ARFRP1: variants seen among roughly 807,000 people sequenced by gnomAD.
ARFRP1 encodes the protein ADP-ribosylation factor-related protein 1.
ARFRP1 carries 19 observed loss-of-function variants against 30.3 expected under a neutral mutation model. The ratio of observed to expected loss-of-function variants is 0.63; its 90% CI spans 0.44 to 0.92. The LOEUF is 0.92. Among genes scored for constraint, ARFRP1 ranks in the 40% least tolerant of loss-of-function variants. The probability of loss-of-function intolerance (pLI) is 0.00; values close to 1 mark genes in which losing one functional copy is unlikely to be tolerated. For synonymous variants in ARFRP1, 133 were observed against 114.2 expected (o/e 1.16, Z -1.05); for missense variants, 245 against 267.5 (o/e 0.92, Z 0.59).
chr20:63,701,333 G>C (rs754489625), intron 6 of ARFRP1: 2 of 534,808 alleles, frequency 3.7e-6, no homozygotes, highest in South Asian at 2.8e-5. Context: ...GCCACTCCAA[G>C]AGAACAGCTA....
At position 63,700,487 on chromosome 20, in the gene ARFRP1, C is replaced by G; in HGVS notation, c.562G>C (p.Val188Leu). The G allele has an allele frequency of 1.2e-6, 2 of 1,610,458 alleles. No homozygotes were observed. Among genetic ancestry groups the G allele is most frequent in the Non-Finnish European group, 1.7e-6 (2 of 1,179,864 alleles). ...CGCGGCGGCCGGTGCACATTCCGCA[C>G]GACACACTTCACCATCCACTCGATG... is the stretch of plus-strand genomic sequence containing the variant. ...EGIEWMVKCV[V>L]RNVHRPPRQR... The change falls in exon 8 of 8, where the codon GTG (valine) becomes CTG (leucine). Residue 188 changes from valine to leucine, a missense_variant. Transcript: ENST00000622789.
chr20:63,706,007 T>TCTC (rs2091439451), intron 4 of ARFRP1: 1 of 353,544 alleles, frequency 2.8e-6, no homozygotes, highest in Non-Finnish European at 5.5e-6. Flanking sequence ...CACGCCCTTC[T>TCTC]CTCACTGGTC....
chr20:63,700,801 G>GAA, intron 6 of ARFRP1, 99 bp from the exon 7 acceptor site: 1 of 1,464,564 alleles, frequency 6.8e-7, no homozygotes, highest in South Asian at 1.3e-5. Flanking sequence ...TCACCCCAGG[G>GAA]AAACAGCCAG....
chr20:63,706,939 A>G lies in ARFRP1; in HGVS notation c.93+60T>C, dbSNP rs910555874. ...TAGTGAACGTGCAGCTGACAGCACA[A>G]AACCGAAGGGGGCGCCGCCAGGCCG... On this transcript the variant is annotated intron_variant, in intron 2 of 7. Coordinates refer to ENST00000622789, the MANE Select transcript of ARFRP1 (RefSeq NM_001267547.3). 10 of 1,596,940 alleles carry G rather than the reference A, an allele frequency of 6.3e-6. No homozygotes were observed. The African/African-American group carries it at 9.4e-5, about 15-fold the overall frequency.
In ARFRP1 at chr20:63,700,292, T is replaced by G; in HGVS notation, c.*151A>C. The G allele has an allele frequency of 2.5e-6, 3 of 1,179,836 alleles. No homozygotes were observed. Among genetic ancestry groups the G allele is most frequent in the African/African-American group, 1.5e-5 (1 of 65,142 alleles). The allele number at this position is 1,179,836 out of a possible 1,614,324, so 73.1% of individuals were successfully genotyped here. On this transcript the variant is annotated 3_prime_UTR_variant, in exon 8 of 8. Coordinates refer to ENST00000622789, the MANE Select transcript of ARFRP1 (RefSeq NM_001267547.3). The stretch of plus-strand genomic sequence containing the variant: ...CCGGATGCCTACGCTTTTCCAGACA[T>G]AGAGGAAAGTTTGTCTTCGAGAAAA...
At chr20:63,702,238 T>G (rs1024869520) in intron 4 of ARFRP1, 21 bp from the exon 5 acceptor site, 3 of 1,605,904 alleles carry the variant, frequency 1.9e-6, no homozygotes, top group African/African-American at 2.7e-5. Flanking sequence ...GCACCAGGAG[T>G]TGGGGCTCAG....
intron 5 of ARFRP1, 98 bp from the exon 6 acceptor site, chr20:63,701,998 G>GCCACCCCCCCCCCCCCC: frequency 5.1e-6 from 3 of 583,916 alleles, no homozygotes; most frequent in South Asian, 2.1e-5. Context: ...CACTCCCTCT[G>GCCACCCCCCCCCCCCCC]CCCCCCCCCC....
chr20:63,700,464 C>T lies in ARFRP1; in HGVS notation c.585G>A (p.Pro195=), dbSNP rs569223588. Residue 195 remains proline (P), a synonymous_variant, in exon 8 of 8, where the codon CCG becomes CCA. Coordinates refer to ENST00000622789, the MANE Select transcript of ARFRP1 (RefSeq NM_001267547.3). ...KCVVRNVHRP[P]RQRDIT is the part of the protein sequence containing the mutation. ...GCGCCTACGTGATGTCCCTCTGCCG[C>T]GGCGGCCGGTGCACATTCCGCACGA... 7.0e-5 allele frequency: 113 copies of T among 1,609,510 alleles called. No homozygotes were observed. Among genetic ancestry groups the T allele is most frequent in the Middle Eastern group, 4.4e-4 (2 of 4,514 alleles).
At chr20:63,706,302 A>G (rs1568768789) in intron 4 of ARFRP1, 55 bp downstream of exon 4, 13 of 1,529,484 alleles carry the variant, frequency 8.5e-6, no homozygotes, top group Non-Finnish European at 1.2e-5. Context: ...GGCACTCTGG[A>G]AAGAAGTGGC....
chr20:63,705,735 G>A (rs566068927), intron 4 of ARFRP1: 1 of 533,162 alleles, frequency 1.9e-6, no homozygotes, highest in East Asian at 5.4e-5. Context: ...CCGAAAGGAG[G>A]CACTCACTTT....
intron 4 of ARFRP1, chr20:63,704,649 T>C (rs1443374461): frequency 1.3e-5 from 2 of 152,254 alleles, no homozygotes; most frequent in Non-Finnish European, 2.9e-5. Context: ...AGTTTCGCCT[T>C]AAGAGAGGCC....
chr20:63,707,642 G>A (rs1316319137), intron 1 of ARFRP1: 1 of 152,408 alleles, frequency 6.6e-6, no homozygotes, highest in Non-Finnish European at 1.5e-5. Context: ...GCAGCGGCGC[G>A]GCTGCTCCTG....
Position 63,706,758 on chromosome 20 carries a change from C to T in ARFRP1, c.94-20G>A, listed in dbSNP as rs756156310. 1.3e-6 allele frequency: 2 copies of T among 1,572,300 alleles called. No individual in the cohort carries two copies. Among genetic ancestry groups the T allele is most frequent in the Non-Finnish European group, 1.8e-6 (2 of 1,142,194 alleles). ...GAAGGTCTGAGGAGAGAGGCAGAGG[C>T]GAAACACATCAAGGAGGGGCTATAC... On this transcript the variant is annotated intron_variant, in intron 2 of 7. Transcript: ENST00000622789.
chr20:63,700,606 T>C lies in ARFRP1; in HGVS notation c.514A>G (p.Thr172Ala). 6.2e-7 allele frequency: 1 copy of C among 1,610,520 alleles called. No homozygotes were observed. Among genetic ancestry groups the C allele is most frequent in the Admixed American group, 1.7e-5 (1 of 59,982 alleles). Residue 172 changes from threonine to alanine, a missense_variant, in exon 7 of 8, where the codon ACA becomes GCA. Thr to Ala is a moderately conservative substitution (Grantham distance 58, BLOSUM62 0). Transcript: ENST00000622789. Reference protein sequence around the residue: ...DCLTQACSALTGKGVREGIEW... With the variant: ...DCLTQACSALAGKGVREGIEW... ...GCAGGTGCAGCCCCCACTCACCCTGTGAGGGCCGAGCAGGCCTGGGTCAGG... is the reference window on the plus strand; with the variant it reads ...GCAGGTGCAGCCCCCACTCACCCTGCGAGGGCCGAGCAGGCCTGGGTCAGG...
At chr20:63,703,594 CA>C (rs796572314) in intron 4 of ARFRP1, 55 of 152,458 alleles carry the variant, frequency 3.6e-4, no homozygotes, top group African/African-American at 1.2e-3. Flanking sequence ...GCTGCTGACA[CA>C]AGGGAGCAGG....
chr20:63,706,975 G>A (rs752263927), intron 2 of ARFRP1, 24 bp downstream of exon 2: 2 of 1,612,160 alleles, frequency 1.2e-6, no homozygotes, highest in African/African-American at 1.3e-5. Context: ...TGGGAAAGGT[G>A]CGCGCAAGGG....
intron 1 of ARFRP1, 154 bp from the exon 2 acceptor site, chr20:63,707,251 C>A (rs1315255849): frequency 3.0e-5 from 19 of 633,772 alleles, no homozygotes; most frequent in African/African-American, 1.8e-4. Flanking sequence ...CCCACCCCGT[C>A]CCTCTGTAAC....
intron 4 of ARFRP1, chr20:63,704,213 GA>G (rs67351073): frequency 0.93 from 141,872 of 152,308 alleles, 66,096 homozygotes; most frequent in East Asian, 0.99. Flanking sequence ...CAGGATACAG[GA>G]AACCAGGGTG....
Position 63,699,923 on chromosome 20 carries a change from G to C in ARFRP1, c.*520C>G, listed in dbSNP as rs1011725410. On this transcript the variant is annotated 3_prime_UTR_variant, in exon 8 of 8. Coordinates refer to ENST00000622789, the MANE Select transcript of ARFRP1 (RefSeq NM_001267547.3). ...GGCTGCATCACAATCCAGGGCCCCC[G>C]CTGGCCTTTGGGAACATGGCCTGGG... 5.6e-6 allele frequency: 1 copy of C among 179,364 alleles called. No individual in the cohort carries two copies. Among genetic ancestry groups the C allele is most frequent in the African/African-American group, 2.4e-5 (1 of 42,168 alleles). The allele number at this position is 179,364 out of a possible 1,614,324, so 11.1% of individuals were successfully genotyped here.
Sources: allele counts gnomAD v4.1 joint callset, GRCh38; gene constraint gnomAD v4.1.1; transcripts MANE v1.5; gene names NCBI Gene and HGNC (gene_info 2026-07-23, HGNC 2026-07-21).